The following RBFOX1 variants were observed in gnomAD, a reference collection of about 807,000 sequenced individuals.
RBFOX1 encodes RNA binding protein fox-1 homolog 1.
In RBFOX1, 8 loss-of-function variants were observed where a neutral mutation model predicts 57.7. That is an observed-to-expected ratio of 0.14 (90% CI 0.08 to 0.25). The LOEUF (loss-of-function observed/expected upper bound fraction) is 0.25. RBFOX1 is among the 10% of genes least tolerant of loss of function. The probability of loss-of-function intolerance (pLI) is 1.00; values close to 1 mark genes in which losing one functional copy is unlikely to be tolerated. For missense variants in RBFOX1, 611 were observed against 548.5 expected (o/e 1.11, Z -1.14); for synonymous variants, 326 against 222.4 (o/e 1.47, Z -4.15).
intron 3 of RBFOX1, among the ~76,000 whole-genome samples, chr16:6,984,001 A>G (rs1054667204): frequency 6.6e-6 from 1 of 152,164 alleles, no homozygotes; most frequent in Non-Finnish European, 1.5e-5. Context: ...TAATTCCAGC[A>G]CTTTGGGAGG....
intron 1 of RBFOX1, among the ~76,000 whole-genome samples, chr16:6,293,929 T>A (rs1040922193): frequency 6.6e-6 from 1 of 152,146 alleles, no homozygotes; most frequent in African/African-American, 2.4e-5. Context: ...ATTGCAGGAA[T>A]TTTTACTGTA....
chr16:6,670,868 C>T (rs1327758295), intron 3 of RBFOX1, among the ~76,000 whole-genome samples: 6 of 151,520 alleles, frequency 4.0e-5, no homozygotes, highest in Non-Finnish European at 5.9e-5. Flanking sequence ...GGCATGGTGG[C>T]GGGAGCCTGT....
intron 3 of RBFOX1, among the ~76,000 whole-genome samples, chr16:6,903,771 G>A (rs1381271534): frequency 6.6e-6 from 1 of 152,174 alleles, no homozygotes; most frequent in East Asian, 1.9e-4. Flanking sequence ...AGGGCTGAGG[G>A]CCTTTCGGAG....
intron 2 of RBFOX1, among the ~76,000 whole-genome samples, chr16:6,461,620 G>A (rs1032279367): frequency 6.6e-6 from 1 of 152,048 alleles, no homozygotes; most frequent in African/African-American, 2.4e-5. Flanking sequence ...TGTCTTTTTT[G>A]TTCAAACTAA....
chr16:6,078,165 T>C (rs2095938596), intron 1 of RBFOX1, among the ~76,000 whole-genome samples: 1 of 152,122 alleles, frequency 6.6e-6, no homozygotes. Context: ...TGTGGTAACA[T>C]GTATGAGGAA....
intron 1 of RBFOX1, among the ~76,000 whole-genome samples, chr16:6,114,693 T>G (rs1462164209): frequency 6.6e-6 from 1 of 152,146 alleles, no homozygotes; most frequent in Admixed American, 6.5e-5. Flanking sequence ...GAAATGTATG[T>G]TAGAATGTAT....
intron 14 of RBFOX1, among the ~76,000 whole-genome samples, chr16:7,692,111 G>A (rs968600005): frequency 5.9e-5 from 9 of 151,976 alleles, no homozygotes; most frequent in African/African-American, 1.7e-4. Context: ...ATATTCATGC[G>A]GCTCAAAAAG....
chr16:6,308,223 T>C (rs1182432101), intron 1 of RBFOX1, among the ~76,000 whole-genome samples: 1 of 152,202 alleles, frequency 6.6e-6, no homozygotes, highest in Non-Finnish European at 1.5e-5. Context: ...GGATGGTTAT[T>C]ATTTGCACAT....
At chr16:6,803,939 A>T (rs974603384) in intron 3 of RBFOX1, among the ~76,000 whole-genome samples, 1 of 151,946 alleles carries the variant, frequency 6.6e-6, no homozygotes, top group African/African-American at 2.4e-5. Flanking sequence ...TCTTGTTTAG[A>T]ACCCATAGTT....
intron 4 of RBFOX1, among the ~76,000 whole-genome samples, chr16:7,096,043 A>G (rs114112009): frequency 0.014 from 2,053 of 151,886 alleles, 40 homozygotes; most frequent in African/African-American, 0.047. Flanking sequence ...AAGAAAAGAA[A>G]AAATAAAACA....
At chr16:6,881,948 A>G (rs2063023715) in intron 3 of RBFOX1, among the ~76,000 whole-genome samples, 1 of 152,184 alleles carries the variant, frequency 6.6e-6, no homozygotes, top group African/African-American at 2.4e-5. Context: ...GACATAGTGT[A>G]AAAAGAAGGG....
At chr16:5,963,588 C>G (rs944200269) in intron 4 of RBFOX1, among the ~76,000 whole-genome samples, 3 of 152,134 alleles carry the variant, frequency 2.0e-5, no homozygotes, top group African/African-American at 7.2e-5. Context: ...TAATAGAGAG[C>G]TCAGAAATAA....
chr16:5,793,597 C>T (rs759055650), intron 3 of RBFOX1, among the ~76,000 whole-genome samples: 4 of 152,176 alleles, frequency 2.6e-5, no homozygotes, highest in Non-Finnish European at 5.9e-5. Flanking sequence ...CTCTTCACCT[C>T]CTCATCTTAC....
At chr16:7,151,731 C>A (rs151207698) in intron 4 of RBFOX1, among the ~76,000 whole-genome samples, 2 of 151,968 alleles carry the variant, frequency 1.3e-5, no homozygotes, top group Non-Finnish European at 2.9e-5. Flanking sequence ...GGAAGCCTGA[C>A]CTTGTTTTCC....
chr16:6,761,900 T>C (rs2076663355), intron 3 of RBFOX1, among the ~76,000 whole-genome samples: 1 of 152,092 alleles, frequency 6.6e-6, no homozygotes, highest in Non-Finnish European at 1.5e-5. Context: ...CTCACTCTAA[T>C]CCCACATTGT....
At chr16:6,498,882 C>T (rs150977187) in intron 2 of RBFOX1, among the ~76,000 whole-genome samples, 122 of 152,286 alleles carry the variant, frequency 8.0e-4, no homozygotes, top group Non-Finnish European at 1.4e-3. Flanking sequence ...GATCCCTCAA[C>T]TAAAATACTG....
chr16:6,878,833 C>G (rs918496494), intron 3 of RBFOX1, among the ~76,000 whole-genome samples: 16 of 151,782 alleles, frequency 1.1e-4, no homozygotes, highest in Admixed American at 1.3e-4. Context: ...TTGGAAAAAC[C>G]TATTTGAAGT....
chr16:7,341,540 C>G (rs766650578), intron 4 of RBFOX1, among the ~76,000 whole-genome samples: 1 of 152,104 alleles, frequency 6.6e-6, no homozygotes, highest in African/African-American at 2.4e-5. Flanking sequence ...TCTTGAGTCT[C>G]CACCCCACTG....
At chr16:5,553,883 A>G (rs1405856833) in intron 2 of RBFOX1, among the ~76,000 whole-genome samples, 1 of 151,978 alleles carries the variant, frequency 6.6e-6, no homozygotes, top group Admixed American at 6.6e-5. Context: ...ATGTCTGGGT[A>G]CCCTGTGGAT....
Sources: allele counts gnomAD v4.1 joint callset (sites outside exome capture counted in the v4.1 genomes callset), GRCh38; gene constraint gnomAD v4.1.1; transcripts MANE v1.5; gene names NCBI Gene and HGNC (gene_info 2026-07-23, HGNC 2026-07-21).